Variants in PPP2R2B observed in about 807,000 individuals in gnomAD.
The protein encoded by PPP2R2B is serine/threonine-protein phosphatase 2A 55 kDa regulatory subunit B beta isoform.
Under a neutral mutation model 46.0 loss-of-function variants are expected in PPP2R2B, and 5 were observed. The ratio of observed to expected loss-of-function variants is 0.11; its 90% CI spans 0.06 to 0.23. The LOEUF is 0.23. Ranked by LOEUF, PPP2R2B falls within the 10% of genes least tolerant of loss-of-function variation. The probability of loss-of-function intolerance (pLI) is 1.00; values close to 1 mark genes in which losing one functional copy is unlikely to be tolerated. For missense variants in PPP2R2B, 367 were observed against 575.0 expected (o/e 0.64, Z 3.70); for synonymous variants, 215 against 206.7 (o/e 1.04, Z -0.34).
chr5:146,926,951 C>A (rs1043991656), intron 1 of PPP2R2B, among the ~76,000 whole-genome samples: 1 of 152,138 alleles, frequency 6.6e-6, no homozygotes, highest in African/African-American at 2.4e-5. Flanking sequence ...TTTCTATTGA[C>A]AACTTTGCTT....
intron 4 of PPP2R2B, among the ~76,000 whole-genome samples, chr5:146,692,391 A>G (rs1357253235): frequency 6.6e-6 from 1 of 152,154 alleles, no homozygotes; most frequent in Non-Finnish European, 1.5e-5. Context: ...ATTAAAACAG[A>G]GAACTCCTAT....
chr5:147,027,920 G>A (rs923733882), intron 1 of PPP2R2B, among the ~76,000 whole-genome samples: 2 of 152,180 alleles, frequency 1.3e-5, no homozygotes, highest in African/African-American at 2.4e-5. Flanking sequence ...GATAAGAGAA[G>A]TCCGTGGTTG....
intron 2 of PPP2R2B, among the ~76,000 whole-genome samples, chr5:146,867,835 C>T (rs559770830): frequency 2.8e-4 from 43 of 152,362 alleles, no homozygotes; most frequent in African/African-American, 9.9e-4. Flanking sequence ...GAACTTCCTA[C>T]ATAGCACTTG....
At position 146,581,473 on chromosome 5, in the gene PPP2R2B, C is replaced by A. The variant is rs1173114407; in HGVS notation, c.*8474G>T. On this transcript the variant is annotated 3_prime_UTR_variant, in exon 10 of 10. Coordinates refer to ENST00000394411, the MANE Select transcript of PPP2R2B (RefSeq NM_181675.4). ...GCCCCACCTCAAACACTGGGGATTA[C>A]AATTTGACATGAGATTATGGTGAGG... The A allele has an allele frequency of 6.6e-6, 1 of 152,216 alleles. No individual in the cohort carries two copies. Among genetic ancestry groups the A allele is most frequent in the African/African-American group, 2.4e-5 (1 of 41,454 alleles). 9.4% of individuals were successfully genotyped at this position (152,216 alleles called of 1,614,324 possible).
chr5:146,640,496 A>G (rs1191261563), intron 6 of PPP2R2B, among the ~76,000 whole-genome samples: 3 of 152,234 alleles, frequency 2.0e-5, no homozygotes, highest in Non-Finnish European at 1.5e-5. Context: ...CTTTATGGCC[A>G]TGACGTGGCG....
chr5:146,913,866 A>G (rs1422358012), intron 1 of PPP2R2B, among the ~76,000 whole-genome samples: 1 of 152,176 alleles, frequency 6.6e-6, no homozygotes, highest in Non-Finnish European at 1.5e-5. Flanking sequence ...CCTACGTCCT[A>G]CTAAAATGGA....
intron 5 of PPP2R2B, among the ~76,000 whole-genome samples, chr5:146,660,588 C>G (rs1189573925): frequency 6.6e-6 from 1 of 152,138 alleles, no homozygotes; most frequent in Non-Finnish European, 1.5e-5. Flanking sequence ...GAAACTGCCA[C>G]TCACCAGCAC....
At chr5:146,719,845 T>C (rs182699186) in intron 2 of PPP2R2B, among the ~76,000 whole-genome samples, 1 of 150,730 alleles carries the variant, frequency 6.6e-6, no homozygotes. Flanking sequence ...ACAATTGAGA[T>C]TTTTCAGTTT....
intron 4 of PPP2R2B, among the ~76,000 whole-genome samples, chr5:146,694,781 C>T (rs77205756): frequency 0.047 from 7,072 of 151,058 alleles, 206 homozygotes; most frequent in Non-Finnish European, 0.069. Flanking sequence ...ATAGAGATAC[C>T]TATTATACAA....
At chr5:146,880,684 C>T (rs771887433), upstream of PPP2R2B, among the ~76,000 whole-genome samples, 11 of 152,296 alleles carry the variant, frequency 7.2e-5, no homozygotes, top group African/African-American at 1.2e-4. Flanking sequence ...CAGGTAGGCC[C>T]AGGCTCATTG....
rs192903632 is a variant in PPP2R2B, at chr5:146,855,524, T to C, written c.70+22478A>G. 1.7e-3 allele frequency among the ~76,000 whole-genome samples: 265 copies of C among 152,272 alleles called. 1 individual carries two copies. The highest frequency in any genetic ancestry group is 5.7e-3 in the African/African-American group (237 of 41,566). On this transcript the variant is annotated intron_variant, in intron 2 of 9. Transcript: ENST00000394411. ...ACACACATACCTGCTTTTTGTTTTC[T>C]TCCCTTTTTGAACTGTGACCACCTT...
At chr5:146,701,197 A>C (rs1460769548) in intron 2 of PPP2R2B, 55 bp from the exon 3 acceptor site, 2 of 1,333,288 alleles carry the variant, frequency 1.5e-6, no homozygotes, top group African/African-American at 1.4e-5. Flanking sequence ...CTTTGAAAGG[A>C]TAGATAATAG....
intron 2 of PPP2R2B, among the ~76,000 whole-genome samples, chr5:146,832,822 C>T (rs1759043092): frequency 6.6e-6 from 1 of 152,026 alleles, no homozygotes; most frequent in Admixed American, 6.6e-5. Context: ...AGTCCAGGAG[C>T]AATAGCCTAT....
chr5:146,708,769 A>C (rs956995295), intron 2 of PPP2R2B, among the ~76,000 whole-genome samples: 1 of 152,146 alleles, frequency 6.6e-6, no homozygotes, highest in Non-Finnish European at 1.5e-5. Context: ...TGTTATTACT[A>C]TTTGGGATTC....
intron 2 of PPP2R2B, among the ~76,000 whole-genome samples, chr5:146,794,396 G>A (rs1055266451): frequency 4.6e-5 from 7 of 152,176 alleles, no homozygotes; most frequent in Non-Finnish European, 1.0e-4. Flanking sequence ...TTTGTCAGTG[G>A]AGACCCAAGC....
chr5:146,834,326 A>G (rs1561944256), intron 2 of PPP2R2B, among the ~76,000 whole-genome samples: 2 of 152,232 alleles, frequency 1.3e-5, no homozygotes, highest in East Asian at 1.9e-4. Context: ...TGACTTGACT[A>G]AAGTTACAAC....
chr5:147,054,037 G>A (rs1044305037), intron 1 of PPP2R2B, among the ~76,000 whole-genome samples: 1 of 152,320 alleles, frequency 6.6e-6, no homozygotes, highest in Middle Eastern at 3.4e-3. Context: ...GTGATAGTGG[G>A]TGAAGCAGAA....
intron 2 of PPP2R2B, among the ~76,000 whole-genome samples, chr5:146,721,104 G>A (rs1780772682): frequency 6.6e-6 from 1 of 152,126 alleles, no homozygotes; most frequent in South Asian, 2.1e-4. Context: ...GGGGACTCAG[G>A]CCTGGCTAAG....
At chr5:146,632,347 C>T (rs1774499406) in intron 7 of PPP2R2B, among the ~76,000 whole-genome samples, 1 of 152,190 alleles carries the variant, frequency 6.6e-6, no homozygotes, top group Admixed American at 6.5e-5. Context: ...CCTGCCAACA[C>T]TTCATCTTGG....
Sources: allele counts gnomAD v4.1 joint callset (sites outside exome capture counted in the v4.1 genomes callset), GRCh38; gene constraint gnomAD v4.1.1; transcripts MANE v1.5; gene names NCBI Gene and HGNC (gene_info 2026-07-23, HGNC 2026-07-21).